The following KATNAL2 variants were observed in gnomAD, a reference collection of about 807,000 sequenced individuals.
The protein encoded by KATNAL2 is katanin p60 ATPase-containing subunit A-like 2.
In KATNAL2, 52 loss-of-function variants were observed where a neutral mutation model predicts 76.3. That is an observed-to-expected ratio of 0.68 (90% CI 0.55 to 0.86). The LOEUF is 0.86. Among genes scored for constraint, KATNAL2 ranks in the 40% least tolerant of loss-of-function variants. The pLI is 0.00. For missense variants in KATNAL2, 660 were observed against 668.9 expected (o/e 0.99, Z 0.15); for synonymous variants, 243 against 244.2 (o/e 1.00, Z 0.05).
intron 1 of KATNAL2, among the ~76,000 whole-genome samples, chr18:46,928,470 CGT>C (rs1458692937): frequency 1.3e-5 from 2 of 152,028 alleles, no homozygotes; most frequent in Non-Finnish European, 2.9e-5. Flanking sequence ...AGTACCTGGC[CGT>C]GTGAGGTGTC....
chr18:47,055,094 A>G (rs1014435572), intron 6 of KATNAL2, among the ~76,000 whole-genome samples: 1 of 152,048 alleles, frequency 6.6e-6, no homozygotes. Flanking sequence ...ATATTCTCTC[A>G]CAAGGCCCCC....
At chr18:47,043,189 T>C in intron 3 of KATNAL2, among the ~76,000 whole-genome samples, 1 of 122,834 alleles carries the variant, frequency 8.1e-6, no homozygotes, top group Admixed American at 1.1e-4. Flanking sequence ...ATTGCGCCAC[T>C]ACACTCCAGC....
chr18:46,961,929 T>A (rs527356960), intron 3 of KATNAL2, among the ~76,000 whole-genome samples: 36 of 152,288 alleles, frequency 2.4e-4, no homozygotes, highest in African/African-American at 8.4e-4. Flanking sequence ...AGAATATAAG[T>A]TTTTAAGAGC....
chr18:47,050,856 G>A (rs2061320675), intron 4 of KATNAL2, among the ~76,000 whole-genome samples: 1 of 152,180 alleles, frequency 6.6e-6, no homozygotes, highest in Admixed American at 6.5e-5. Context: ...TGAATAGACC[G>A]ATGTGATGTA....
At position 47,064,595 on chromosome 18, in the gene KATNAL2, C is replaced by T. The variant is rs75821665; in HGVS notation, c.726+1234C>T. Among the ~76,000 whole-genome samples, 4 of 151,836 alleles carry T rather than the reference C, an allele frequency of 2.6e-5. No homozygotes were observed. The East Asian group carries it at 7.7e-4, about 29-fold the overall frequency. On this transcript the variant is annotated intron_variant, in intron 10 of 17. Coordinates refer to ENST00000683218, the MANE Select transcript of KATNAL2 (RefSeq NM_001387690.1). ...TAGCAAAGAAAAGGAGATGGGGAGA[C>T]CATCTATAAGGTTTTTACCAGTGAG... is the stretch of plus-strand genomic sequence containing the variant.
chr18:47,049,424 T>G (rs902049576), intron 4 of KATNAL2, among the ~76,000 whole-genome samples: 1 of 152,218 alleles, frequency 6.6e-6, no homozygotes, highest in Non-Finnish European at 1.5e-5. Flanking sequence ...TTTTACATCA[T>G]CTTTTGATGG....
chr18:46,952,035 A>G (rs1024830605), intron 3 of KATNAL2, among the ~76,000 whole-genome samples: 1 of 151,898 alleles, frequency 6.6e-6, no homozygotes, highest in African/African-American at 2.4e-5. Flanking sequence ...GACCTCCCAA[A>G]GTGCTGGGAT....
At chr18:46,926,459 A>G (rs2058732491) in intron 1 of KATNAL2, among the ~76,000 whole-genome samples, 2 of 152,262 alleles carry the variant, frequency 1.3e-5, no homozygotes, top group African/African-American at 4.8e-5. Context: ...ACAGTTTGTT[A>G]TAATTGCTGT....
intron 3 of KATNAL2, among the ~76,000 whole-genome samples, chr18:46,947,433 A>C (rs1378237243): frequency 6.6e-6 from 1 of 152,108 alleles, no homozygotes; most frequent in Non-Finnish European, 1.5e-5. Flanking sequence ...TCTTTTTCAC[A>C]CGAAGATTAC....
chr18:46,952,714 T>C (rs2059601723), intron 3 of KATNAL2, among the ~76,000 whole-genome samples: 1 of 151,942 alleles, frequency 6.6e-6, no homozygotes, highest in Non-Finnish European at 1.5e-5. Context: ...ATGTTTTTTA[T>C]TGATGGTTGA....
chr18:46,946,628 C>A, intron 2 of KATNAL2, 82 bp downstream of exon 2: 1 of 900,496 alleles, frequency 1.1e-6, no homozygotes, highest in Non-Finnish European at 1.3e-6. Context: ...TGTGCTCTAA[C>A]AATCTTCCCT....
chr18:47,032,997 C>G (rs1254917094), intron 3 of KATNAL2: 1 of 1,614,068 alleles, frequency 6.2e-7, no homozygotes, highest in East Asian at 2.2e-5. Context: ...AAGGCAAGTC[C>G]TGAGTTTATC....
At chr18:46,960,419 C>A (rs867940859) in intron 3 of KATNAL2, among the ~76,000 whole-genome samples, 2 of 121,838 alleles carry the variant, frequency 1.6e-5, no homozygotes, top group Non-Finnish European at 3.5e-5. Context: ...AACCCAAGAG[C>A]GAAACTTCAA....
At chr18:47,043,371 C>T (rs1289567963) in intron 3 of KATNAL2, among the ~76,000 whole-genome samples, 2 of 152,028 alleles carry the variant, frequency 1.3e-5, no homozygotes, top group South Asian at 2.1e-4. Context: ...TTCAGGCATA[C>T]GAATTCTCAA....
At chr18:47,098,144 T>TC in intron 15 of KATNAL2, 1 of 291,430 alleles carries the variant, frequency 3.4e-6, no homozygotes, top group Non-Finnish European at 6.8e-6. Flanking sequence ...ATATAGATGT[T>TC]CAATTGTTTT....
chr18:47,038,630 C>T (rs1270378128), intron 3 of KATNAL2, among the ~76,000 whole-genome samples: 1 of 152,168 alleles, frequency 6.6e-6, no homozygotes, highest in Non-Finnish European at 1.5e-5. Context: ...CTTACATTCC[C>T]ACCAATTGTA....
chr18:47,098,379 C>T (rs1382418833), intron 15 of KATNAL2: 2 of 214,928 alleles, frequency 9.3e-6, no homozygotes, highest in South Asian at 1.2e-4. Context: ...ATGGTGGCAG[C>T]AAGAGAAAAT....
In KATNAL2 at chr18:46,946,867, T is replaced by C; in HGVS notation, c.-6T>C. 3 of 1,535,890 alleles carry C rather than the reference T, an allele frequency of 2.0e-6. No homozygotes were observed. Among genetic ancestry groups the C allele is most frequent in the Non-Finnish European group, 2.6e-6 (3 of 1,146,706 alleles). ...TCCCTTCTCTAGGGTCCTAGCACAG[T>C]GTCTGATGGAGCTTTCCTACCAGAC... On this transcript the variant is annotated 5_prime_UTR_variant, in exon 3 of 18. Transcript: ENST00000683218.
At chr18:47,084,439 A>G in intron 15 of KATNAL2, 2 of 702,374 alleles carry the variant, frequency 2.8e-6, no homozygotes, top group Admixed American at 4.0e-5. Context: ...GCAGTCTGCC[A>G]CAGGTCAGCA....
Sources: gnomAD v4.1 joint callset for allele counts (sites outside exome capture counted in the v4.1 genomes callset) on GRCh38, gnomAD v4.1.1 for gene constraint, MANE v1.5 for transcripts, NCBI Gene and HGNC (gene_info 2026-07-23, HGNC 2026-07-21) for gene names.